The following LRMDA variants were observed in gnomAD, a reference collection of about 807,000 sequenced individuals.
LRMDA encodes leucine-rich melanocyte differentiation-associated protein.
Under a neutral mutation model 29.8 loss-of-function variants are expected in LRMDA, and 18 were observed. The ratio of observed to expected loss-of-function variants is 0.60; its 90% CI spans 0.42 to 0.90. The LOEUF is 0.90. Among genes scored for constraint, LRMDA ranks in the 40% least tolerant of loss-of-function variants. The pLI is 0.00. For synonymous variants in LRMDA, 125 were observed against 109.4 expected, an observed-to-expected ratio of 1.14 and a Z score of -0.89; for missense variants, 273 against 273.9, an observed-to-expected ratio of 1.00 and a Z score of 0.02.
intron 2 of LRMDA, among the ~76,000 whole-genome samples, chr10:75,865,394 C>T (rs116379746): frequency 0.011 from 1,675 of 152,214 alleles, 24 homozygotes; most frequent in African/African-American, 0.036. Flanking sequence ...CTGTGCATTT[C>T]ATTATGCAAG....
At position 76,047,259 on chromosome 10, in the gene LRMDA, G is replaced by A. The variant is rs1356724894; in HGVS notation, c.354G>A (p.Glu118=). 2 of 1,613,964 alleles carry A rather than the reference G, an allele frequency of 1.2e-6. No homozygotes were observed. Among genetic ancestry groups the A allele is most frequent in the East Asian group, 2.2e-5 (1 of 44,880 alleles). ...SLLGNVACPN[E]LVSLEKDEED... is the part of the protein sequence containing the mutation. ...TGGGCAACGTGGCCTGTCCCAACGA[G>A]CTGGTCAGCTTGGAAAAGGATGAGG... Residue 118 remains glutamate (E), a synonymous_variant, in exon 4 of 7, where the codon GAG becomes GAA. Transcript: ENST00000611255.
intron 4 of LRMDA, among the ~76,000 whole-genome samples, chr10:76,056,774 G>A (rs1848622206): frequency 6.6e-6 from 1 of 152,118 alleles, no homozygotes; most frequent in African/African-American, 2.4e-5. Context: ...GTGGAGGGGG[G>A]CTTCCCAAGC....
chr10:76,114,519 T>C (rs966378444), intron 5 of LRMDA, among the ~76,000 whole-genome samples: 1 of 152,186 alleles, frequency 6.6e-6, no homozygotes, highest in African/African-American at 2.4e-5. Context: ...GGGGTAGTGG[T>C]GGGGGCACCT....
At chr10:76,218,035 A>G (rs913550483) in intron 5 of LRMDA, among the ~76,000 whole-genome samples, 1 of 152,098 alleles carries the variant, frequency 6.6e-6, no homozygotes, top group Non-Finnish European at 1.5e-5. Flanking sequence ...CTCCCTGCGT[A>G]CCCTGTAGTT....
At chr10:76,540,276 T>C (rs1396240703) in intron 6 of LRMDA, among the ~76,000 whole-genome samples, 1 of 150,560 alleles carries the variant, frequency 6.6e-6, no homozygotes, top group Non-Finnish European at 1.5e-5. Context: ...TACATTTTTA[T>C]TTTGATGAAA....
intron 6 of LRMDA, chr10:76,403,106 T>C (rs933135819): frequency 1.1e-4 from 16 of 151,706 alleles, no homozygotes; most frequent in African/African-American, 3.9e-4. Flanking sequence ...GGCCCTGTGC[T>C]CCCCAGATAG....
intron 5 of LRMDA, among the ~76,000 whole-genome samples, chr10:76,089,947 G>T (rs1849203623): frequency 6.6e-6 from 1 of 152,156 alleles, no homozygotes; most frequent in Non-Finnish European, 1.5e-5. Flanking sequence ...CCCACGGGTT[G>T]GTTATGATGT....
At chr10:76,265,228 A>C (rs1357747814) in intron 5 of LRMDA, among the ~76,000 whole-genome samples, 1 of 152,080 alleles carries the variant, frequency 6.6e-6, no homozygotes, top group African/African-American at 2.4e-5. Flanking sequence ...TACCTTATTC[A>C]TGTTTCTAAG....
intron 5 of LRMDA, among the ~76,000 whole-genome samples, chr10:76,243,150 C>T (rs997283336): frequency 3.9e-5 from 6 of 152,174 alleles, no homozygotes; most frequent in African/African-American, 7.2e-5. Context: ...GTCCGTATCA[C>T]GACAAGCCTC....
intron 2 of LRMDA, among the ~76,000 whole-genome samples, chr10:75,596,955 CTT>C (rs767284909): frequency 6.9e-5 from 10 of 144,092 alleles, no homozygotes; most frequent in South Asian, 2.2e-4. Flanking sequence ...TTCTTTCTTT[CTT>C]TTTTTTTTTT....
At chr10:75,587,197 T>C (rs183058087) in intron 2 of LRMDA, among the ~76,000 whole-genome samples, 25 of 152,336 alleles carry the variant, frequency 1.6e-4, no homozygotes, top group Admixed American at 3.3e-4. Flanking sequence ...TAAAATCTCA[T>C]TCATTTGGAT....
intron 2 of LRMDA, among the ~76,000 whole-genome samples, chr10:75,973,735 G>A (rs1297462149): frequency 6.6e-6 from 1 of 152,140 alleles, no homozygotes; most frequent in Non-Finnish European, 1.5e-5. Flanking sequence ...CATCCTTTAT[G>A]CAGTATTATG....
chr10:76,027,746 T>G (rs140487665), intron 2 of LRMDA, among the ~76,000 whole-genome samples: 1 of 152,334 alleles, frequency 6.6e-6, no homozygotes, highest in East Asian at 1.9e-4. Context: ...ACCATATGGA[T>G]GACTTTTAAT....
chr10:75,531,023 C>T (rs1313440073), intron 2 of LRMDA, among the ~76,000 whole-genome samples: 1 of 152,176 alleles, frequency 6.6e-6, no homozygotes, highest in Admixed American at 6.5e-5. Context: ...GTTGTCACAA[C>T]AGCTCACATT....
intron 2 of LRMDA, among the ~76,000 whole-genome samples, chr10:75,497,656 C>A (rs1312100490): frequency 6.7e-6 from 1 of 150,070 alleles, no homozygotes; most frequent in South Asian, 2.1e-4. Flanking sequence ...TTTTTCTTTT[C>A]CACCATGGCT....
chr10:75,633,532 A>G (rs1444631327), intron 2 of LRMDA, among the ~76,000 whole-genome samples: 1 of 152,214 alleles, frequency 6.6e-6, no homozygotes, highest in Non-Finnish European at 1.5e-5. Context: ...CATGCACTGA[A>G]TGTCTTTTCT....
chr10:76,177,401 CA>C lies in LRMDA; in HGVS notation c.516+118628del, dbSNP rs774048326. ...ACCAGTTTGAGTTGGTTAAAAAAGA[CA>C]AAAAAAAAACAACAAAAAAACCTCT... On this transcript the variant is annotated intron_variant, in intron 5 of 6. Coordinates refer to ENST00000611255, the MANE Select transcript of LRMDA (RefSeq NM_001305581.2). 5.3e-3 allele frequency among the ~76,000 whole-genome samples: 751 copies of C among 141,464 alleles called. 5 individuals are homozygous for C. The highest frequency in any genetic ancestry group is 0.016 in the African/African-American group (630 of 38,854). 92.8% of individuals were successfully genotyped at this position (141,464 alleles called of 152,430 possible).
intron 6 of LRMDA, among the ~76,000 whole-genome samples, chr10:76,357,503 T>G (rs1308928527): frequency 1.3e-5 from 2 of 152,158 alleles, no homozygotes; most frequent in East Asian, 3.9e-4. Flanking sequence ...ATGGGGGAAT[T>G]TTAAACTTCC....
At chr10:75,816,411 T>G (rs1259223521) in intron 2 of LRMDA, among the ~76,000 whole-genome samples, 1 of 152,182 alleles carries the variant, frequency 6.6e-6, no homozygotes, top group Non-Finnish European at 1.5e-5. Flanking sequence ...ACGAGCATCC[T>G]GTGGGAGTTC....
Sources: allele counts gnomAD v4.1 joint callset (sites outside exome capture counted in the v4.1 genomes callset), GRCh38; gene constraint gnomAD v4.1.1; transcripts MANE v1.5; gene names NCBI Gene and HGNC (gene_info 2026-07-23, HGNC 2026-07-21).